The following ZFHX3 variants were observed in gnomAD, a reference collection of about 807,000 sequenced individuals.
The protein encoded by ZFHX3 is zinc finger homeobox protein 3.
In ZFHX3, 42 loss-of-function variants were observed where a neutral mutation model predicts 279.1. The ratio of observed to expected loss-of-function variants is 0.15; its 90% CI spans 0.12 to 0.19. ZFHX3 has a LOEUF of 0.19. Among genes scored for constraint, ZFHX3 ranks in the 10% least tolerant of loss-of-function variants. The pLI, the probability that ZFHX3 is intolerant of heterozygous loss-of-function variation, is 1.00. For missense variants in ZFHX3, 4,981 were observed against 4,754.0 expected, an observed-to-expected ratio of 1.05 and a Z score of -1.40; for synonymous variants, 2,293 against 1,957.8, an observed-to-expected ratio of 1.17 and a Z score of -4.52.
chr16:73,078,152 A>G (rs926432510), intron 8 of ZFHX3, among the ~76,000 whole-genome samples: 14 of 152,202 alleles, frequency 9.2e-5, no homozygotes, highest in Non-Finnish European at 2.1e-4. Context: ...TAGGCAGCAA[A>G]GGAGAAAGAC....
chr16:73,453,759 A>G (rs1452549842), intron 3 of ZFHX3, among the ~76,000 whole-genome samples: 4 of 152,226 alleles, frequency 2.6e-5, no homozygotes, highest in East Asian at 3.8e-4. Flanking sequence ...AGGCTTCACA[A>G]TCATGGTGGA....
At chr16:73,684,632 C>A in intron 1 of ZFHX3, among the ~76,000 whole-genome samples, 1 of 151,738 alleles carries the variant, frequency 6.6e-6, no homozygotes, top group East Asian at 1.9e-4. Flanking sequence ...TGCAAATCAG[C>A]TGACCTCAAA....
chr16:72,803,999 A>G (rs2036191139), intron 7 of ZFHX3, among the ~76,000 whole-genome samples: 1 of 152,228 alleles, frequency 6.6e-6, no homozygotes, highest in South Asian at 2.1e-4. Flanking sequence ...GGAAGAAACC[A>G]TCAGCTGACT....
chr16:73,878,852 C>T (rs1345339378), intron 1 of ZFHX3, among the ~76,000 whole-genome samples: 1 of 151,584 alleles, frequency 6.6e-6, no homozygotes, highest in Non-Finnish European at 1.5e-5. Flanking sequence ...TTCAACGTCA[C>T]TTGAAACAGC....
intron 1 of ZFHX3, among the ~76,000 whole-genome samples, chr16:73,708,043 G>T (rs78527000): frequency 0.025 from 3,719 of 147,320 alleles, 152 homozygotes; most frequent in African/African-American, 0.088. Context: ...TGTGGTTTTT[G>T]TGGTACATTT....
At chr16:72,822,610 A>T (rs1384397272) in intron 5 of ZFHX3, among the ~76,000 whole-genome samples, 1 of 152,244 alleles carries the variant, frequency 6.6e-6, no homozygotes, top group East Asian at 1.9e-4. Context: ...GGAACAAAGC[A>T]GGCAAGATTA....
At chr16:73,546,780 G>T (rs2143762696) in intron 2 of ZFHX3, among the ~76,000 whole-genome samples, 1 of 151,320 alleles carries the variant, frequency 6.6e-6, no homozygotes, top group East Asian at 2.0e-4. Context: ...TAATCAGGCA[G>T]ACATTTGGGA....
chr16:73,192,252 G>A (rs1268879539), intron 5 of ZFHX3, among the ~76,000 whole-genome samples: 1 of 152,172 alleles, frequency 6.6e-6, no homozygotes, highest in Non-Finnish European at 1.5e-5. Flanking sequence ...GCCCCTCTGC[G>A]TCTGTTCAGG....
upstream of ZFHX3, among the ~76,000 whole-genome samples, chr16:73,049,711 G>A (rs531981472): frequency 1.1e-3 from 164 of 152,286 alleles, 1 homozygote; most frequent in African/African-American, 3.9e-3. Context: ...GAGCACGGGG[G>A]CCGGGTGGGG....
intron 3 of ZFHX3, among the ~76,000 whole-genome samples, chr16:73,391,893 G>C (rs2017020074): frequency 6.6e-6 from 1 of 152,116 alleles, no homozygotes; most frequent in African/African-American, 2.4e-5. Context: ...AGAAGACTAA[G>C]AAAAGCAAAA....
intron 8 of ZFHX3, among the ~76,000 whole-genome samples, chr16:73,065,590 T>C (rs28682975): frequency 4.1e-5 from 6 of 145,092 alleles, no homozygotes; most frequent in Non-Finnish European, 7.7e-5. Context: ...TGTGTGTGTG[T>C]GTGTGTGTGT....
intron 1 of ZFHX3, among the ~76,000 whole-genome samples, chr16:73,732,180 G>A (rs2053574865): frequency 1.3e-5 from 2 of 152,018 alleles, no homozygotes; most frequent in Admixed American, 1.3e-4. Context: ...AAACCAAATG[G>A]GATTATCTCT....
chr16:73,074,947 T>C (rs1965869868), intron 8 of ZFHX3, among the ~76,000 whole-genome samples: 2 of 152,040 alleles, frequency 1.3e-5, no homozygotes, highest in Non-Finnish European at 2.9e-5. Flanking sequence ...GCTGAGACTA[T>C]AGGTGCATGC....
At chr16:73,046,334 G>A (rs543568505) in intron 1 of ZFHX3, among the ~76,000 whole-genome samples, 2 of 152,294 alleles carry the variant, frequency 1.3e-5, no homozygotes, top group East Asian at 3.9e-4. Context: ...CAGGCTGCCA[G>A]TGGCTGTTCT....
chr16:73,425,849 A>G (rs1406880282), intron 3 of ZFHX3, among the ~76,000 whole-genome samples: 1 of 152,158 alleles, frequency 6.6e-6, no homozygotes, highest in Non-Finnish European at 1.5e-5. Context: ...CTACCAGATT[A>G]AGGGACCATA....
At chr16:73,686,383 C>T (rs74448553) in intron 1 of ZFHX3, among the ~76,000 whole-genome samples, 6,703 of 152,288 alleles carry the variant, frequency 0.044, 284 homozygotes, top group African/African-American at 0.11. Context: ...TGAGCCACCA[C>T]GCCTGGTCAT....
chr16:72,859,997 C>T (rs1006661260), intron 4 of ZFHX3, among the ~76,000 whole-genome samples: 1 of 152,194 alleles, frequency 6.6e-6, no homozygotes, highest in Non-Finnish European at 1.5e-5. Context: ...ATGCAGGCAT[C>T]TCCGAAGGGG....
At chr16:73,240,677 GT>G (rs778767824) in intron 5 of ZFHX3, among the ~76,000 whole-genome samples, 2 of 152,168 alleles carry the variant, frequency 1.3e-5, no homozygotes, top group Non-Finnish European at 2.9e-5. Context: ...GCGACTTGAT[GT>G]TTTCACCTCC....
At chr16:73,677,933 A>G (rs781170992) in intron 2 of ZFHX3, among the ~76,000 whole-genome samples, 2 of 152,090 alleles carry the variant, frequency 1.3e-5, no homozygotes, top group Non-Finnish European at 2.9e-5. Flanking sequence ...GAGACACTCT[A>G]TGTCCTCCAA....
Sources: gnomAD v4.1 joint callset for allele counts (sites outside exome capture counted in the v4.1 genomes callset) on GRCh38, gnomAD v4.1.1 for gene constraint, MANE v1.5 for transcripts, NCBI Gene and HGNC (gene_info 2026-07-23, HGNC 2026-07-21) for gene names.